Variants in RAPGEF5 observed in about 807,000 individuals in gnomAD.
The protein encoded by RAPGEF5 is Rap guanine nucleotide exchange factor 5.
A neutral mutation model predicts 125.2 loss-of-function variants in RAPGEF5; 65 were observed. That is an observed-to-expected ratio of 0.52 (90% CI 0.43 to 0.64). RAPGEF5 has a LOEUF of 0.64. Ranked by LOEUF, RAPGEF5 falls within the 30% of genes least tolerant of loss-of-function variation. RAPGEF5 has a pLI of 0.00. For synonymous variants in RAPGEF5, 391 were observed against 385.9 expected, an observed-to-expected ratio of 1.01 and a Z score of -0.16; for missense variants, 958 against 1,048.1, an observed-to-expected ratio of 0.91 and a Z score of 1.19.
At chr7:22,302,491 C>CAGTT (rs1020386243) in intron 5 of RAPGEF5, among the ~76,000 whole-genome samples, 16 of 152,254 alleles carry the variant, frequency 1.1e-4, no homozygotes, top group African/African-American at 3.9e-4. Flanking sequence ...ATGCCAAGAA[C>CAGTT]AGTTATATCT....
At chr7:22,164,808 G>A (rs1784112706) in intron 12 of RAPGEF5, among the ~76,000 whole-genome samples, 2 of 152,114 alleles carry the variant, frequency 1.3e-5, no homozygotes, top group Non-Finnish European at 2.9e-5. Flanking sequence ...AGCTGGCTCA[G>A]AGCTATGAAT....
chr7:22,132,808 A>G lies in RAPGEF5; in HGVS notation c.2417-1707T>C, dbSNP rs138524098. ...TATTAACAGTGTTAGACATGGCTCT[A>G]AAGAGCTTTAGCTGCATTAACTCAT... On this transcript the variant is annotated intron_variant, in intron 23 of 25. Coordinates refer to ENST00000665637, the MANE Select transcript of RAPGEF5 (RefSeq NM_012294.5). 2.9e-3 allele frequency among the ~76,000 whole-genome samples: 438 copies of G among 152,304 alleles called. 2 individuals are homozygous for G. Among genetic ancestry groups the G allele is most frequent in the African/African-American group, 9.1e-3 (379 of 41,556 alleles).
intron 9 of RAPGEF5, among the ~76,000 whole-genome samples, chr7:22,210,084 C>T (rs1380002494): frequency 6.6e-6 from 1 of 152,096 alleles, no homozygotes; most frequent in African/African-American, 2.4e-5. Flanking sequence ...GTTTTCCTTC[C>T]CCAAGCCATC....
At chr7:22,345,083 G>A (rs982105005) in intron 1 of RAPGEF5, among the ~76,000 whole-genome samples, 26 of 152,330 alleles carry the variant, frequency 1.7e-4, no homozygotes, top group African/African-American at 6.3e-4. Flanking sequence ...CTGAGGCCCT[G>A]GAATATGTGT....
chr7:22,190,508 A>G (rs1784959986), intron 11 of RAPGEF5, among the ~76,000 whole-genome samples: 1 of 152,222 alleles, frequency 6.6e-6, no homozygotes, highest in Admixed American at 6.5e-5. Context: ...CTGATAGAAT[A>G]CTATATGAAT....
intron 1 of RAPGEF5, among the ~76,000 whole-genome samples, chr7:22,347,759 T>C (rs539732803): frequency 6.6e-6 from 1 of 152,338 alleles, no homozygotes; most frequent in South Asian, 2.1e-4. Flanking sequence ...TGAGACCATC[T>C]GCGACATAAG....
chr7:22,145,691 G>A (rs1346021577), intron 19 of RAPGEF5, among the ~76,000 whole-genome samples: 1 of 152,162 alleles, frequency 6.6e-6, no homozygotes, highest in Non-Finnish European at 1.5e-5. Context: ...ACAGATTGCT[G>A]GATCCCACCC....
At chr7:22,346,951 A>G (rs1373145674) in intron 1 of RAPGEF5, among the ~76,000 whole-genome samples, 1 of 152,172 alleles carries the variant, frequency 6.6e-6, no homozygotes, top group Non-Finnish European at 1.5e-5. Context: ...CACTATACAA[A>G]TTACAGTGAC....
intron 1 of RAPGEF5, among the ~76,000 whole-genome samples, chr7:22,355,128 G>A (rs550837904): frequency 3.2e-4 from 48 of 152,252 alleles, no homozygotes; most frequent in African/African-American, 8.9e-4. Flanking sequence ...ATGCAGTTAC[G>A]AAATGTGTTT....
At chr7:22,172,217 G>T (rs1420564790) in intron 11 of RAPGEF5, among the ~76,000 whole-genome samples, 1 of 151,908 alleles carries the variant, frequency 6.6e-6, no homozygotes, top group Non-Finnish European at 1.5e-5. Context: ...CCGCCTCCTG[G>T]GTTCAAGCTA....
At chr7:22,274,200 C>T (rs1382865121) in intron 6 of RAPGEF5, among the ~76,000 whole-genome samples, 1 of 152,164 alleles carries the variant, frequency 6.6e-6, no homozygotes, top group Admixed American at 6.5e-5. Context: ...TCTTTCCATT[C>T]ACTCACATGA....
intron 5 of RAPGEF5, among the ~76,000 whole-genome samples, chr7:22,300,827 G>A (rs17775586): frequency 0.048 from 7,282 of 152,176 alleles, 269 homozygotes; most frequent in Admixed American, 0.064. Context: ...AAGAAAAAAG[G>A]AGAATCAAGA....
chr7:22,223,608 A>C (rs1220382956), intron 8 of RAPGEF5, among the ~76,000 whole-genome samples: 1 of 152,128 alleles, frequency 6.6e-6, no homozygotes, highest in Admixed American at 6.5e-5. Context: ...AGAAGGGGGC[A>C]TTTTCAAGAG....
chr7:22,303,973 G>A (rs1008357858), intron 5 of RAPGEF5, among the ~76,000 whole-genome samples: 2 of 152,174 alleles, frequency 1.3e-5, no homozygotes, highest in Non-Finnish European at 2.9e-5. Flanking sequence ...GGGTGGGCCA[G>A]GGGTGAAAAG....
At chr7:22,153,291 A>C (rs1420889119) in intron 17 of RAPGEF5, among the ~76,000 whole-genome samples, 2 of 152,228 alleles carry the variant, frequency 1.3e-5, no homozygotes, top group Non-Finnish European at 2.9e-5. Flanking sequence ...AAATCCTTTT[A>C]TATTTTTGGT....
intron 8 of RAPGEF5, among the ~76,000 whole-genome samples, chr7:22,225,539 G>T (rs920577979): frequency 6.6e-6 from 1 of 152,200 alleles, no homozygotes; most frequent in African/African-American, 2.4e-5. Flanking sequence ...GTGCTATGCG[G>T]AAGCATCATG....
intron 10 of RAPGEF5, 67 bp downstream of exon 10, chr7:22,193,848 G>C: frequency 6.2e-7 from 1 of 1,611,842 alleles, no homozygotes; most frequent in Non-Finnish European, 8.5e-7. Flanking sequence ...TGGAGCAAGG[G>C]AAGGGAAGGC....
rs889487263 is a variant in RAPGEF5, at chr7:22,154,620, G to T, written c.1637-16C>A. The T allele has an allele frequency of 9.9e-6, 16 of 1,609,620 alleles. No homozygotes were observed. Among genetic ancestry groups the T allele is most frequent in the Admixed American group, 6.7e-5 (4 of 59,558 alleles). On this transcript the variant is annotated splice_polypyrimidine_tract_variant and intron_variant, in intron 16 of 25. Coordinates refer to ENST00000665637, the MANE Select transcript of RAPGEF5 (RefSeq NM_012294.5). ...TGGCAGAAAACTGCACAAGTGAAAA[G>T]AATTGTTTGGAAACAGAGAACAGTG...
intron 21 of RAPGEF5, among the ~76,000 whole-genome samples, chr7:22,138,854 G>A (rs1413005424): frequency 1.3e-5 from 2 of 152,096 alleles, no homozygotes; most frequent in African/African-American, 2.4e-5. Context: ...ATTCAAATTC[G>A]CTCCCCACTG....
Sources: allele counts gnomAD v4.1 joint callset (sites outside exome capture counted in the v4.1 genomes callset), GRCh38; gene constraint gnomAD v4.1.1; transcripts MANE v1.5; gene names NCBI Gene and HGNC (gene_info 2026-07-23, HGNC 2026-07-21).